CDK17: variants seen among roughly 807,000 people sequenced by gnomAD.
CDK17 encodes cyclin dependent kinase 17.
A neutral mutation model predicts 77.6 loss-of-function variants in CDK17; 24 were observed. That is an observed-to-expected ratio of 0.31 (90% CI 0.22 to 0.44). The LOEUF (loss-of-function observed/expected upper bound fraction) is 0.44, where lower values mean the gene tolerates loss of function less well. Ranked by LOEUF, CDK17 falls within the 20% of genes least tolerant of loss-of-function variation. CDK17 has a pLI of 1.00. For missense variants in CDK17, 429 were observed against 622.5 expected, an observed-to-expected ratio of 0.69 and a Z score of 3.31; for synonymous variants, 203 against 210.4, an observed-to-expected ratio of 0.96 and a Z score of 0.30.
chr12:96,316,614 C>T (rs535111004), intron 3 of CDK17, among the ~76,000 whole-genome samples: 4 of 136,520 alleles, frequency 2.9e-5, no homozygotes, highest in South Asian at 4.6e-4. Context: ...GATCTGAGAA[C>T]GGGCAGACTG....
intron 1 of CDK17, among the ~76,000 whole-genome samples, chr12:96,354,718 G>C (rs1394668767): frequency 6.6e-6 from 1 of 151,826 alleles, no homozygotes; most frequent in African/African-American, 2.4e-5. Flanking sequence ...CCTCCTCTTA[G>C]GAAAAAAAAT....
intron 3 of CDK17, among the ~76,000 whole-genome samples, chr12:96,321,866 G>A (rs1379128736): frequency 7.2e-6 from 1 of 139,392 alleles, no homozygotes; most frequent in Non-Finnish European, 1.5e-5. Context: ...GCTAGATGAC[G>A]AGTTAGTGGG....
intron 1 of CDK17, among the ~76,000 whole-genome samples, chr12:96,359,122 G>A (rs1201198871): frequency 2.0e-5 from 3 of 151,904 alleles, no homozygotes; most frequent in African/African-American, 2.4e-5. Context: ...GCCCACCAAC[G>A]TATCTAATAC....
At chr12:96,318,155 T>C (rs1952759730) in intron 3 of CDK17, among the ~76,000 whole-genome samples, 1 of 149,858 alleles carries the variant, frequency 6.7e-6, no homozygotes, top group African/African-American at 2.4e-5. Context: ...AATCCTAGTC[T>C]CTGATAAAAC....
chr12:96,399,564 G>A (rs1160323808), intron 1 of CDK17, among the ~76,000 whole-genome samples: 1 of 150,764 alleles, frequency 6.6e-6, no homozygotes, highest in African/African-American at 2.4e-5. Context: ...GGGCAGCGTC[G>A]CCTGCGCCTC....
At chr12:96,280,617 T>G in intron 16 of CDK17, 191 bp downstream of exon 16, 2 of 1,415,044 alleles carry the variant, frequency 1.4e-6, no homozygotes, top group Non-Finnish European at 1.8e-6. Context: ...CAGATTTTTC[T>G]CTGAAGATTT....
intron 2 of CDK17, among the ~76,000 whole-genome samples, chr12:96,332,705 T>A (rs766137740): frequency 1.3e-5 from 2 of 152,224 alleles, no homozygotes; most frequent in Admixed American, 6.5e-5. Context: ...ATGTCTCTTA[T>A]GACGTCTTGA....
chr12:96,307,844 G>A (rs1461611230), intron 5 of CDK17, among the ~76,000 whole-genome samples: 1 of 151,982 alleles, frequency 6.6e-6, no homozygotes, highest in African/African-American at 2.4e-5. Context: ...ACTCCTGCCT[G>A]GACGACAAAG....
chr12:96,377,991 C>T (rs539428021), intron 1 of CDK17, among the ~76,000 whole-genome samples: 8 of 152,212 alleles, frequency 5.3e-5, no homozygotes, highest in African/African-American at 1.9e-4. Flanking sequence ...CTGCGCCCGG[C>T]CCAGAAGCAG....
At position 96,289,196 on chromosome 12, in the gene CDK17, G is replaced by A; in HGVS notation, c.1089C>T (p.Ser363=). 1.2e-6 allele frequency: 2 copies of A among 1,613,904 alleles called. No homozygotes were observed. Among genetic ancestry groups the A allele is most frequent in the Non-Finnish European group, 1.7e-6 (2 of 1,179,848 alleles). The part of the protein sequence containing the change: ...WYRPPDVLLG[S]SEYSTQIDMW... ...TGTCAATCTGTGTTGAGTACTCCGA[G>A]GAACCAAGAAGCACATCAGGTGGCC... Residue 363 remains serine (S), a synonymous_variant, in exon 11 of 17, where the codon TCC becomes TCT. Coordinates refer to ENST00000261211, the MANE Select transcript of CDK17 (RefSeq NM_002595.5).
chr12:96,346,926 G>GA (rs1276919758), intron 1 of CDK17, among the ~76,000 whole-genome samples: 1 of 148,356 alleles, frequency 6.7e-6, no homozygotes, highest in African/African-American at 2.5e-5. Context: ...AAAAAAAAAA[G>GA]AGAGAGAAGC....
chr12:96,365,371 T>C (rs537947004), intron 1 of CDK17, among the ~76,000 whole-genome samples: 10 of 152,190 alleles, frequency 6.6e-5, no homozygotes, highest in Non-Finnish European at 1.2e-4. Flanking sequence ...ATTCCTATTA[T>C]ATAAAGGAGA....
chr12:96,282,609 A>G lies in CDK17; in HGVS notation c.1366-10T>C, dbSNP rs753054186. On this transcript the variant is annotated splice_polypyrimidine_tract_variant and intron_variant, in intron 14 of 16. Coordinates refer to ENST00000261211, the MANE Select transcript of CDK17 (RefSeq NM_002595.5). ...TTTTCTTAGATTCATACTGTGAAAA[A>G]GCAAAGAACTGCTTCATTAGCTTTT... 8.3e-6 allele frequency: 13 copies of G among 1,567,686 alleles called. No individual in the cohort carries two copies. The highest frequency in any genetic ancestry group is 1.1e-5 in the South Asian group (1 of 89,498).
chr12:96,357,079 T>C (rs547394500), intron 1 of CDK17, among the ~76,000 whole-genome samples: 1 of 152,146 alleles, frequency 6.6e-6, no homozygotes, highest in East Asian at 1.9e-4. Flanking sequence ...TTACTCAGAA[T>C]AGAACCAAGA....
At chr12:96,292,600 G>T (rs111952687) in intron 10 of CDK17, among the ~76,000 whole-genome samples, 2 of 151,888 alleles carry the variant, frequency 1.3e-5, no homozygotes, top group African/African-American at 4.8e-5. Flanking sequence ...GCAAGACCCT[G>T]TCTCAAAACA....
intron 10 of CDK17, among the ~76,000 whole-genome samples, chr12:96,292,239 T>C (rs889647583): frequency 1.3e-5 from 2 of 152,192 alleles, no homozygotes; most frequent in African/African-American, 4.8e-5. Flanking sequence ...AACTCACCAT[T>C]TAATGACAGT....
chr12:96,386,641 G>GA (rs199609568), intron 1 of CDK17, among the ~76,000 whole-genome samples: 1 of 152,130 alleles, frequency 6.6e-6, no homozygotes, highest in Non-Finnish European at 1.5e-5. Context: ...CTGGGAGACA[G>GA]AAAGAGGCCT....
At chr12:96,302,174 A>T (rs1050953909) in intron 5 of CDK17, among the ~76,000 whole-genome samples, 1 of 152,160 alleles carries the variant, frequency 6.6e-6, no homozygotes, top group Non-Finnish European at 1.5e-5. Context: ...TAGTATCAAT[A>T]ACTATGCAAA....
intron 14 of CDK17, 98 bp downstream of exon 14, chr12:96,283,505 C>G (rs1330542258): frequency 2.8e-6 from 2 of 712,862 alleles, no homozygotes; most frequent in Non-Finnish European, 4.9e-6. Context: ...TTTTATTTGT[C>G]ATTAACAATA....
Sources: allele counts gnomAD v4.1 joint callset (sites outside exome capture counted in the v4.1 genomes callset), GRCh38; gene constraint gnomAD v4.1.1; transcripts MANE v1.5; gene names NCBI Gene and HGNC (gene_info 2026-07-23, HGNC 2026-07-21).